Variants in KLHL1 observed in about 807,000 individuals in gnomAD.
KLHL1 encodes kelch like family member 1.
KLHL1 carries 47 observed loss-of-function variants against 77.7 expected under a neutral mutation model. The observed-to-expected ratio is 0.60, with a 90% confidence interval of 0.48 to 0.77. The LOEUF is 0.77. KLHL1 is among the 30% of genes least tolerant of loss of function. The pLI is 0.00. For synonymous variants in KLHL1, 360 were observed against 325.2 expected, an observed-to-expected ratio of 1.11 and a Z score of -1.15; for missense variants, 925 against 910.8, an observed-to-expected ratio of 1.02 and a Z score of -0.20.
At chr13:69,867,487 A>G (rs7985324) in intron 5 of KLHL1, among the ~76,000 whole-genome samples, 59,644 of 151,768 alleles carry the variant, frequency 0.39, 13,330 homozygotes, top group African/African-American at 0.63. Context: ...ATAAACTAGT[A>G]ATAGAATGTC....
chr13:70,038,581 A>ATTTTTTTT lies in KLHL1; in HGVS notation c.498-62787_498-62780dup, dbSNP rs55885952. On this transcript the variant is annotated intron_variant, in intron 1 of 10. Transcript: ENST00000377844. ...TTGCCAGCATTTGGGATTGTCATTA[A>ATTTTTTTT]TTTTTTTTTTTTTTTTTTTTTTTTG... 5.6e-4 allele frequency among the ~76,000 whole-genome samples: 41 copies of ATTTTTTTT among 73,048 alleles called. 1 individual carries two copies. The highest frequency in any genetic ancestry group is 1.3e-3 in the Admixed American group (6 of 4,724). The allele number at this position is 73,048 out of a possible 152,430, so 47.9% of individuals were successfully genotyped here. A position where few individuals can be genotyped will look rare whatever the true frequency, so the allele number is the denominator to read the frequency against.
chr13:69,712,169 T>C (rs2137881154), intron 9 of KLHL1, among the ~76,000 whole-genome samples: 1 of 152,234 alleles, frequency 6.6e-6, no homozygotes, highest in South Asian at 2.1e-4. Flanking sequence ...CTTTTTACCC[T>C]CTAAATGGTA....
intron 1 of KLHL1, among the ~76,000 whole-genome samples, chr13:70,001,888 T>G (rs1885301459): frequency 1.3e-5 from 2 of 151,632 alleles, no homozygotes; most frequent in Non-Finnish European, 1.5e-5. Context: ...GCTTAACATC[T>G]AATTTACAGC....
intron 7 of KLHL1, among the ~76,000 whole-genome samples, chr13:69,750,818 T>A (rs1489008485): frequency 6.6e-6 from 1 of 152,062 alleles, no homozygotes; most frequent in Non-Finnish European, 1.5e-5. Flanking sequence ...TTTATTTCAT[T>A]CTTTCTTTGG....
At chr13:69,939,852 C>T (rs74090622) in intron 4 of KLHL1, among the ~76,000 whole-genome samples, 188 bp downstream of exon 4, 2,154 of 152,120 alleles carry the variant, frequency 0.014, 63 homozygotes, top group African/African-American at 0.049. Context: ...ACAATAAATC[C>T]AGTATAGAAT....
intron 4 of KLHL1, among the ~76,000 whole-genome samples, chr13:69,885,426 T>G (rs1010713878): frequency 9.6e-4 from 3 of 3,120 alleles, no homozygotes; most frequent in African/African-American, 1.1e-3. Flanking sequence ...TAGGTGTTAT[T>G]TTTTTTTTTT....
chr13:69,982,802 A>G (rs1884749136), intron 1 of KLHL1, among the ~76,000 whole-genome samples: 1 of 152,078 alleles, frequency 6.6e-6, no homozygotes, highest in Non-Finnish European at 1.5e-5. Flanking sequence ...GGGTCATTAT[A>G]TGATGATAAA....
intron 1 of KLHL1, among the ~76,000 whole-genome samples, chr13:70,010,220 A>G (rs1291059910): frequency 1.3e-5 from 2 of 152,190 alleles, no homozygotes; most frequent in Admixed American, 6.5e-5. Flanking sequence ...ATGGAAAGCT[A>G]TTAACAGATT....
chr13:69,896,186 G>A (rs1881630882), intron 4 of KLHL1, among the ~76,000 whole-genome samples: 1 of 151,996 alleles, frequency 6.6e-6, no homozygotes, highest in Non-Finnish European at 1.5e-5. Context: ...GCAATGGCAG[G>A]TTGAATTCTT....
chr13:70,036,299 G>A (rs1008332688), intron 1 of KLHL1, among the ~76,000 whole-genome samples: 1 of 151,690 alleles, frequency 6.6e-6, no homozygotes, highest in Non-Finnish European at 1.5e-5. Flanking sequence ...CACAACATAT[G>A]TGCAAAAGAG....
In KLHL1 at chr13:69,768,337, C is replaced by T. The variant is rs116153009; in HGVS notation, c.1640-27781G>A. ...TTTTTTTAAATATCTGAAATTATTA[C>T]ATTACACAAAGCTTCTACAGCTGTG... is the stretch of plus-strand genomic sequence containing the variant. On this transcript the variant is annotated intron_variant, in intron 7 of 10. Transcript: ENST00000377844. Among the ~76,000 whole-genome samples, 1,300 of 152,134 alleles carry T rather than the reference C, an allele frequency of 8.5e-3. 9 individuals are homozygous for T. The highest frequency in any genetic ancestry group is 0.03 in the African/African-American group (1,237 of 41,500).
chr13:69,987,538 G>A (rs1304017101), intron 1 of KLHL1, among the ~76,000 whole-genome samples: 1 of 151,936 alleles, frequency 6.6e-6, no homozygotes, highest in African/African-American at 2.4e-5. Context: ...AAGAAAAAAG[G>A]AAGTGAAAAG....
intron 1 of KLHL1, among the ~76,000 whole-genome samples, chr13:70,088,613 T>G (rs529267861): frequency 6.6e-6 from 1 of 152,148 alleles, no homozygotes; most frequent in South Asian, 2.1e-4. Flanking sequence ...AGCCCAGGAG[T>G]TGGACGTTAT....
intron 8 of KLHL1, among the ~76,000 whole-genome samples, chr13:69,730,306 A>G (rs563337489): frequency 2.0e-5 from 3 of 151,862 alleles, no homozygotes; most frequent in South Asian, 4.1e-4. Flanking sequence ...TGTTTTCATT[A>G]CAAAATAATG....
At chr13:69,839,264 A>T in intron 5 of KLHL1, 102 bp from the exon 6 acceptor site, 1 of 717,074 alleles carries the variant, frequency 1.4e-6, no homozygotes, top group Non-Finnish European at 2.2e-6. Context: ...TTATCCTTAT[A>T]TTGAGCAGGA....
chr13:70,041,656 G>C (rs1416433670), intron 1 of KLHL1, among the ~76,000 whole-genome samples: 1 of 152,020 alleles, frequency 6.6e-6, no homozygotes, highest in Non-Finnish European at 1.5e-5. Flanking sequence ...ACAGAATGGT[G>C]GTGAAAATCC....
chr13:69,906,303 T>C (rs1420798716), intron 4 of KLHL1, among the ~76,000 whole-genome samples: 1 of 151,982 alleles, frequency 6.6e-6, no homozygotes, highest in Non-Finnish European at 1.5e-5. Context: ...GTCTTTGTCT[T>C]TGATTTTATT....
At chr13:69,840,785 AT>A (rs1182997983) in intron 5 of KLHL1, among the ~76,000 whole-genome samples, 11,229 of 144,648 alleles carry the variant, frequency 0.078, 747 homozygotes, top group African/African-American at 0.18. Context: ...TTTTTAGTAA[AT>A]TTTTTTTTTT....
chr13:70,020,804 C>T (rs200525992), intron 1 of KLHL1, among the ~76,000 whole-genome samples: 4 of 25,070 alleles, frequency 1.6e-4, no homozygotes, highest in Non-Finnish European at 4.0e-4. Context: ...TATGTATATG[C>T]ATACATACAC....
Sources: gnomAD v4.1 joint callset for allele counts (sites outside exome capture counted in the v4.1 genomes callset) on GRCh38, gnomAD v4.1.1 for gene constraint, MANE v1.5 for transcripts, NCBI Gene and HGNC (gene_info 2026-07-23, HGNC 2026-07-21) for gene names.